Variants in SAR1B observed in about 807,000 individuals in gnomAD.
SAR1B encodes the protein secretion associated Ras related GTPase 1B, also known as small COPII coat GTPase SAR1B.
SAR1B carries 23 observed loss-of-function variants against 26.8 expected under a neutral mutation model. The observed-to-expected ratio is 0.86, with a 90% confidence interval of 0.62 to 1.22. The LOEUF (loss-of-function observed/expected upper bound fraction) is 1.22, where lower values mean the gene tolerates loss of function less well. SAR1B is among the 50% of genes most tolerant of loss of function. The pLI, the probability that SAR1B is intolerant of heterozygous loss-of-function variation, is 0.00. For missense variants in SAR1B, 196 were observed against 232.8 expected (o/e 0.84, Z 1.03); for synonymous variants, 65 against 80.8 (o/e 0.80, Z 1.05).
intron 3 of SAR1B, among the ~76,000 whole-genome samples, chr5:134,617,288 T>C (rs1042226415): frequency 6.6e-6 from 1 of 152,146 alleles, no homozygotes; most frequent in Non-Finnish European, 1.5e-5. Context: ...ATAAACATTT[T>C]TGTACAAGGT....
Position 134,606,208 on chromosome 5 carries a change from A to C in SAR1B, c.*742T>G, listed in dbSNP as rs1345001934. 2 of 152,548 alleles carry C rather than the reference A, an allele frequency of 1.3e-5. No homozygotes were observed. The highest frequency in any genetic ancestry group is 2.9e-5 in the Non-Finnish European group (2 of 68,282). 9.4% of individuals were successfully genotyped at this position (152,548 alleles called of 1,614,324 possible). ...AATGGTAGTGGCTGCATTACTAATA[A>C]AAATACACATGATTCAGGGATACAT... On this transcript the variant is annotated 3_prime_UTR_variant, in exon 7 of 7. Transcript: ENST00000402673.
intron 1 of SAR1B, among the ~76,000 whole-genome samples, chr5:134,624,745 A>G (rs1765468158): frequency 1.3e-5 from 2 of 150,392 alleles, no homozygotes; most frequent in Non-Finnish European, 2.9e-5. Flanking sequence ...CTTCTGCCTC[A>G]GCCTCTCGAG....
chr5:134,623,160 G>T (rs921798902), intron 2 of SAR1B, among the ~76,000 whole-genome samples: 1 of 151,304 alleles, frequency 6.6e-6, no homozygotes, highest in Non-Finnish European at 1.5e-5. Context: ...CTGTAGCAAG[G>T]CTGGGCACAG....
intron 5 of SAR1B, chr5:134,609,016 T>C (rs1186015984): frequency 2.2e-6 from 1 of 448,980 alleles, no homozygotes; most frequent in Non-Finnish European, 4.5e-6. Flanking sequence ...TTGCCTGCTC[T>C]GGGCAGAGCC....
chr5:134,614,287 T>A (rs1423800523), intron 3 of SAR1B: 1 of 152,270 alleles, frequency 6.6e-6, no homozygotes. Context: ...AGCACATTCA[T>A]AACGATTGTC....
Position 134,603,040 on chromosome 5 carries a change from T to C in SAR1B, c.*3910A>G, listed in dbSNP as rs1036895603. ...TATTAATTTTGCATTAAGAAACTTATGTTTGCTAATTTCTATTTTTTCATT... is the reference window on the plus strand; with the variant it reads ...TATTAATTTTGCATTAAGAAACTTACGTTTGCTAATTTCTATTTTTTCATT... On this transcript the variant is annotated 3_prime_UTR_variant, in exon 7 of 7. Coordinates refer to ENST00000402673, the MANE Select transcript of SAR1B (RefSeq NM_016103.4). 1.3e-5 allele frequency: 2 copies of C among 152,260 alleles called. No individual in the cohort carries two copies. The highest frequency in any genetic ancestry group is 4.8e-5 in the African/African-American group (2 of 41,470). The allele number at this position is 152,260 out of a possible 1,614,324, so 9.4% of individuals were successfully genotyped here.
chr5:134,619,943 G>A (rs781530742), intron 3 of SAR1B, among the ~76,000 whole-genome samples: 4 of 151,690 alleles, frequency 2.6e-5, no homozygotes, highest in Middle Eastern at 3.2e-3. Flanking sequence ...ATCATACCAC[G>A]GCACTCCAAC....
intron 2 of SAR1B, 64 bp downstream of exon 2, chr5:134,623,898 A>T: frequency 9.3e-7 from 1 of 1,073,882 alleles, no homozygotes; most frequent in Non-Finnish European, 1.5e-6. Flanking sequence ...CTTGACACAG[A>T]TAAGCACTAT....
chr5:134,624,051 G>T lies in SAR1B; in HGVS notation c.-18-14C>A. The T allele has an allele frequency of 1.3e-6, 2 of 1,506,036 alleles. No homozygotes were observed. The highest frequency in any genetic ancestry group is 1.8e-6 in the Non-Finnish European group (2 of 1,081,650). 93.3% of individuals were successfully genotyped at this position (1,506,036 alleles called of 1,614,324 possible). A position where few individuals can be genotyped will look rare whatever the true frequency, so the allele number is the denominator to read the frequency against. On this transcript the variant is annotated splice_polypyrimidine_tract_variant and intron_variant, in intron 1 of 6. Coordinates refer to ENST00000402673, the MANE Select transcript of SAR1B (RefSeq NM_016103.4). The stretch of plus-strand genomic sequence containing the variant: ...ATCTGATAGGGTCTGAAAAAAAAGA[G>T]TTTGAATTTAGTAGTCAACATTAAA...
chr5:134,621,181 T>C lies in SAR1B; in HGVS notation c.59-129A>G, dbSNP rs560888959. 4.6e-6 allele frequency: 5 copies of C among 1,078,234 alleles called. No individual in the cohort carries two copies. In the African/African-American group the frequency reaches 7.8e-5, roughly 17 times the overall value. 66.8% of individuals were successfully genotyped at this position (1,078,234 alleles called of 1,614,324 possible). On this transcript the variant is annotated intron_variant, in intron 2 of 6. Coordinates refer to ENST00000402673, the MANE Select transcript of SAR1B (RefSeq NM_016103.4). ...AGTTTTAAAAAAGCTATTTTAAATC[T>C]ATTCATGGCCGGGCACGGTGGCTCA...
chr5:134,629,704 C>A (rs58920374), intron 1 of SAR1B, among the ~76,000 whole-genome samples: 4,374 of 145,426 alleles, frequency 0.03, 112 homozygotes, highest in African/African-American at 0.077. Flanking sequence ...CTCAAAAAAA[C>A]AAACAAACAA....
intron 1 of SAR1B, among the ~76,000 whole-genome samples, chr5:134,629,654 G>A (rs1182649875): frequency 1.3e-5 from 2 of 151,714 alleles, no homozygotes; most frequent in South Asian, 2.1e-4. Context: ...CCAAGATCGC[G>A]CCACTGCACT....
At chr5:134,628,382 T>C (rs1251120284) in intron 1 of SAR1B, among the ~76,000 whole-genome samples, 4 of 149,478 alleles carry the variant, frequency 2.7e-5, no homozygotes, top group Non-Finnish European at 4.4e-5. Context: ...AAAAGTACTA[T>C]TGGGAGAAAA....
chr5:134,605,745 G>A lies in SAR1B; in HGVS notation c.*1205C>T, dbSNP rs985340242. On this transcript the variant is annotated 3_prime_UTR_variant, in exon 7 of 7. Coordinates refer to ENST00000402673, the MANE Select transcript of SAR1B (RefSeq NM_016103.4). ...CTACCTGAGAGCAAATAAGAAAAAA[G>A]AAAATTGGAAACAAGCACTTGTTTT... is the stretch of plus-strand genomic sequence containing the variant. The A allele has an allele frequency of 1.4e-5, 2 of 145,928 alleles. No individual in the cohort carries two copies. The highest frequency in any genetic ancestry group is 5.1e-5 in the African/African-American group (2 of 39,462). The allele number at this position is 145,928 out of a possible 1,614,324, so 9.0% of individuals were successfully genotyped here.
intron 4 of SAR1B, 54 bp from the exon 5 acceptor site, chr5:134,609,728 G>A: frequency 7.1e-7 from 1 of 1,414,044 alleles, no homozygotes; most frequent in East Asian, 2.3e-5. Context: ...CCCAGCAGAT[G>A]GTTTAAGCAA....
At chr5:134,622,297 C>T (rs778997847) in intron 2 of SAR1B, among the ~76,000 whole-genome samples, 22 of 151,968 alleles carry the variant, frequency 1.4e-4, no homozygotes, top group Middle Eastern at 3.4e-3. Context: ...ACTGTCACTA[C>T]TATGAGTGTC....
chr5:134,625,493 A>C (rs1348406591), intron 1 of SAR1B, among the ~76,000 whole-genome samples: 1 of 152,192 alleles, frequency 6.6e-6, no homozygotes, highest in African/African-American at 2.4e-5. Flanking sequence ...TGGAGCGGTG[A>C]TCAAAGGCAG....
chr5:134,627,945 G>T (rs925861890), intron 1 of SAR1B, among the ~76,000 whole-genome samples: 1 of 151,862 alleles, frequency 6.6e-6, no homozygotes, highest in Non-Finnish European at 1.5e-5. Context: ...TTCGAGACCA[G>T]CCTGACCAAC....
At chr5:134,623,908 T>C (rs1234452705) in intron 2 of SAR1B, 54 bp downstream of exon 2, 8 of 1,186,678 alleles carry the variant, frequency 6.7e-6, no homozygotes. Context: ...ATAAGCACTA[T>C]TAAATAAATA....
Sources: allele counts gnomAD v4.1 joint callset (sites outside exome capture counted in the v4.1 genomes callset), GRCh38; gene constraint gnomAD v4.1.1; transcripts MANE v1.5; gene names NCBI Gene and HGNC (gene_info 2026-07-23, HGNC 2026-07-21).